Variants in NF1 observed in about 807,000 individuals in gnomAD.
NF1 encodes neurofibromin.
A neutral mutation model predicts 325.7 loss-of-function variants in NF1; 122 were observed. The observed-to-expected ratio is 0.37, with a 90% CI of 0.32 to 0.44. The LOEUF (loss-of-function observed/expected upper bound fraction) is 0.44, where lower values mean the gene tolerates loss of function less well. Ranked by LOEUF, NF1 falls within the 20% of genes least tolerant of loss-of-function variation. NF1 has a pLI of 1.00. For synonymous variants in NF1, 1,091 were observed against 1,186.0 expected, an observed-to-expected ratio of 0.92 and a Z score of 1.65; for missense variants, 2,140 against 3,415.4, an observed-to-expected ratio of 0.63 and a Z score of 9.31.
chr17:31,311,968 G>A (rs766259478), intron 36 of NF1, among the ~76,000 whole-genome samples: 9 of 152,148 alleles, frequency 5.9e-5, no homozygotes, highest in Non-Finnish European at 1.0e-4. Context: ...ACCCATTTTA[G>A]TCCTGATTCT....
chr17:31,318,199 C>A (rs2069074372), intron 36 of NF1: 8 of 1,423,886 alleles, frequency 5.6e-6, no homozygotes, highest in African/African-American at 1.4e-5. Flanking sequence ...CAAGGTCTAC[C>A]ATGTCAAATT....
chr17:31,266,494 A>G (rs1454248810), intron 36 of NF1, among the ~76,000 whole-genome samples: 1 of 152,124 alleles, frequency 6.6e-6, no homozygotes, highest in Non-Finnish European at 1.5e-5. Context: ...GCCTCTCTCC[A>G]GCTCTCATCT....
chr17:31,299,983 A>C (rs2068541923), intron 36 of NF1, among the ~76,000 whole-genome samples: 1 of 152,088 alleles, frequency 6.6e-6, no homozygotes, highest in Non-Finnish European at 1.5e-5. Flanking sequence ...TCATCTCACA[A>C]TAATTTCAAA....
intron 8 of NF1, among the ~76,000 whole-genome samples, chr17:31,194,131 C>A (rs1419370526): frequency 1.3e-5 from 2 of 152,156 alleles, no homozygotes; most frequent in Non-Finnish European, 2.9e-5. Flanking sequence ...GATATGGAAT[C>A]ATCCTAAGTA....
intron 37 of NF1, among the ~76,000 whole-genome samples, chr17:31,327,064 G>GT (rs2069363253): frequency 6.6e-6 from 1 of 152,034 alleles, no homozygotes; most frequent in Admixed American, 6.5e-5. Flanking sequence ...TGCCTCCCAG[G>GT]TTCAAGCGAT....
At position 31,334,931 on chromosome 17, in the gene NF1, A is replaced by T. The variant is rs143502927; in HGVS notation, c.5906A>T (p.Gln1969Leu). The change falls in exon 40 of 58, where the codon CAA (glutamine) becomes CTA (leucine). Residue 1969 changes from glutamine (Q) to leucine (L), a missense_variant. Transcript: ENST00000358273. ...FCKHNDDAKR[Q>L]RVTAILDKLI... ...AAGCATAATGATGATGCCAAACGAC[A>T]AAGAGTTACTGCTATTCTTGACAAG... The T allele has an allele frequency of 4.4e-5, 71 of 1,613,756 alleles. No individual in the cohort carries two copies. In the African/African-American group the frequency reaches 8.3e-4, roughly 19 times the overall value.
chr17:31,242,970 T>C lies in NF1; in HGVS notation c.3975-6014T>C, dbSNP rs529685368. 2.6e-5 allele frequency among the ~76,000 whole-genome samples: 4 copies of C among 152,330 alleles called. No individual in the cohort carries two copies. The South Asian group carries it at 8.3e-4, about 32-fold the overall frequency. On this transcript the variant is annotated intron_variant, in intron 29 of 57. Transcript: ENST00000358273. ...CAAGTATTTGAAGGCACTTGGGTGT[T>C]GTTATCTTAAGTCTTTGGTCACTGC...
At chr17:31,288,623 G>A (rs901227011) in intron 36 of NF1, among the ~76,000 whole-genome samples, 2 of 145,868 alleles carry the variant, frequency 1.4e-5, no homozygotes, top group Non-Finnish European at 3.0e-5. Context: ...TGCAACCTCC[G>A]CCTCCCGGGT....
At chr17:31,360,794 G>A (rs1029767385) in intron 57 of NF1, 91 bp downstream of exon 57, 1 of 1,215,538 alleles carries the variant, frequency 8.2e-7, no homozygotes, top group African/African-American at 1.5e-5. Context: ...AGCAAATTTT[G>A]CTCCTTTTTC....
chr17:31,353,376 A>C (rs1454026680), intron 51 of NF1, among the ~76,000 whole-genome samples: 6 of 152,220 alleles, frequency 3.9e-5, no homozygotes, highest in African/African-American at 1.4e-4. Flanking sequence ...TCACGCCCAT[A>C]ATCCCAGCAC....
At chr17:31,137,252 C>G (rs539301886) in intron 1 of NF1, 1 of 152,322 alleles carries the variant, frequency 6.6e-6, no homozygotes. Context: ...CCATTACCTT[C>G]TCAAATATTG....
intron 13 of NF1, 75 bp from the exon 14 acceptor site, chr17:31,218,930 G>C (rs1174830138): frequency 7.0e-7 from 1 of 1,422,134 alleles, no homozygotes; most frequent in African/African-American, 1.4e-5. Context: ...AGCAGTCACT[G>C]TCTATTTCTT....
chr17:31,226,336 C>G, intron 17 of NF1, 99 bp from the exon 18 acceptor site: 1 of 1,371,646 alleles, frequency 7.3e-7, no homozygotes, highest in Non-Finnish European at 1.0e-6. Context: ...CACACACACA[C>G]ACACACACAC....
At chr17:31,174,543 A>G (rs2065985151) in intron 5 of NF1, among the ~76,000 whole-genome samples, 1 of 152,244 alleles carries the variant, frequency 6.6e-6, no homozygotes. Context: ...TAGTGAAATA[A>G]CAGAAATAAC....
intron 29 of NF1, among the ~76,000 whole-genome samples, chr17:31,240,927 G>C (rs1271497557): frequency 6.6e-6 from 1 of 152,122 alleles, no homozygotes. Flanking sequence ...ACACAGGTTG[G>C]AGTGTAGTGG....
chr17:31,319,109 G>C, intron 36 of NF1: 3 of 1,369,148 alleles, frequency 2.2e-6, no homozygotes, highest in Non-Finnish European at 3.0e-6. Context: ...ATAGTGTTGA[G>C]ATGTTACAAG....
intron 54 of NF1, 57 bp from the exon 55 acceptor site, chr17:31,358,423 T>C (rs1887371848): frequency 6.5e-7 from 1 of 1,532,168 alleles, no homozygotes; most frequent in East Asian, 2.3e-5. Flanking sequence ...TTCCACTACA[T>C]ATTTTCATTT....
chr17:31,290,734 G>A (rs2068328280), intron 36 of NF1, among the ~76,000 whole-genome samples: 1 of 152,086 alleles, frequency 6.6e-6, no homozygotes, highest in African/African-American at 2.4e-5. Context: ...GGCCGGGCAC[G>A]GTGGCTCACG....
rs765581208 is a variant in NF1, at chr17:31,318,610, A to C, written c.4836-7210A>C. 3.7e-6 allele frequency: 6 copies of C among 1,614,122 alleles called. No individual in the cohort carries two copies. In the South Asian group the frequency reaches 6.6e-5, roughly 18 times the overall value. ...TGCAATTATAATTAAGCAAATTAGC[A>C]TAGCCATGTTGTTGTTGTTTTCCGC... On this transcript the variant is annotated intron_variant, in intron 36 of 57. Coordinates refer to ENST00000358273, the MANE Select transcript of NF1 (RefSeq NM_001042492.3).
Sources: gnomAD v4.1 joint callset for allele counts (sites outside exome capture counted in the v4.1 genomes callset) on GRCh38, gnomAD v4.1.1 for gene constraint, MANE v1.5 for transcripts, NCBI Gene and HGNC (gene_info 2026-07-23, HGNC 2026-07-21) for gene names.